Variants in SAMD12 observed in about 807,000 individuals in gnomAD.
The protein encoded by SAMD12 is sterile alpha motif domain-containing protein 12.
SAMD12 carries 9 observed loss-of-function variants against 15.0 expected under a neutral mutation model. The observed-to-expected ratio is 0.60, with a 90% CI of 0.36 to 1.05. SAMD12 has a LOEUF of 1.05. Among genes scored for constraint, SAMD12 ranks in the 50% least tolerant of loss-of-function variants. SAMD12 has a pLI of 0.01. For synonymous variants in SAMD12, 86 were observed against 90.1 expected, an observed-to-expected ratio of 0.96 and a Z score of 0.25; for missense variants, 230 against 234.2, an observed-to-expected ratio of 0.98 and a Z score of 0.12.
intron 1 of SAMD12, among the ~76,000 whole-genome samples, chr8:118,615,656 A>T (rs1828221827): frequency 6.6e-6 from 1 of 152,144 alleles, no homozygotes; most frequent in African/African-American, 2.4e-5. Flanking sequence ...TACCCTTGTA[A>T]TATGTCACCA....
intron 2 of SAMD12, among the ~76,000 whole-genome samples, chr8:118,526,771 C>T (rs1350317927): frequency 6.6e-6 from 1 of 152,034 alleles, no homozygotes; most frequent in African/African-American, 2.4e-5. Context: ...CAGTCAGAAG[C>T]CAGAGGGGAA....
intron 2 of SAMD12, among the ~76,000 whole-genome samples, chr8:118,474,824 C>A (rs1476047886): frequency 6.6e-6 from 1 of 152,166 alleles, no homozygotes. Flanking sequence ...CCAATGTTCT[C>A]GGTAGAGACT....
At chr8:118,559,873 G>A (rs960246263) in intron 2 of SAMD12, among the ~76,000 whole-genome samples, 4 of 152,060 alleles carry the variant, frequency 2.6e-5, no homozygotes, top group Non-Finnish European at 4.4e-5. Context: ...TTTGTTGACA[G>A]GGGTGATGCC....
chr8:118,279,045 TC>T (rs1813541228), intron 4 of SAMD12, among the ~76,000 whole-genome samples: 6 of 152,164 alleles, frequency 3.9e-5, no homozygotes, highest in Admixed American at 3.9e-4. Context: ...GTTTATATAA[TC>T]TGGGCATTCA....
chr8:118,417,229 C>A (rs976974721), intron 3 of SAMD12, among the ~76,000 whole-genome samples: 1 of 152,000 alleles, frequency 6.6e-6, no homozygotes, highest in Admixed American at 6.6e-5. Context: ...TACAGGTGTG[C>A]CCCCCTATGC....
chr8:118,375,726 A>C (rs1017417422), downstream of SAMD12: 1 of 152,144 alleles, frequency 6.6e-6, no homozygotes, highest in Admixed American at 6.5e-5. Flanking sequence ...TTATTCCTTT[A>C]AATAGTTAAT....
chr8:118,358,020 C>G (rs971604660), intron 4 of SAMD12, among the ~76,000 whole-genome samples: 2 of 152,248 alleles, frequency 1.3e-5, no homozygotes, highest in East Asian at 3.9e-4. Context: ...TGGTGCACAC[C>G]TCTAGTCCCA....
intron 2 of SAMD12, among the ~76,000 whole-genome samples, chr8:118,529,924 T>A (rs1825639155): frequency 1.3e-5 from 2 of 152,162 alleles, no homozygotes; most frequent in South Asian, 4.1e-4. Flanking sequence ...AAATGATAGT[T>A]CTATTTTTAG....
chr8:118,308,048 G>A lies in SAMD12; in HGVS notation c.433+71512C>T, dbSNP rs1586488179. ...CCCCTTCTGCTAGAGAGAACATCAG[G>A]CCTCATGCTGATAACTGGTAATTCC... On this transcript the variant is annotated intron_variant, in intron 4 of 4. Coordinates refer to the SAMD12 transcript ENST00000409003. Among the ~76,000 whole-genome samples, 7 of 152,174 alleles carry A rather than the reference G, an allele frequency of 4.6e-5. No homozygotes were observed. In the South Asian group the frequency reaches 1.5e-3, roughly 32 times the overall value.
chr8:118,615,200 C>T (rs1205903532), intron 1 of SAMD12, among the ~76,000 whole-genome samples: 1 of 151,974 alleles, frequency 6.6e-6, no homozygotes. Context: ...TGTGCCCTTT[C>T]CCCGATTCCC....
intron 2 of SAMD12, among the ~76,000 whole-genome samples, chr8:118,545,684 A>G (rs1826105322): frequency 6.6e-6 from 1 of 152,240 alleles, no homozygotes; most frequent in South Asian, 2.1e-4. Context: ...CCTTAGGAAT[A>G]GAAAAGAAAA....
intron 2 of SAMD12, among the ~76,000 whole-genome samples, chr8:118,563,780 T>C (rs554867542): frequency 6.6e-6 from 1 of 152,348 alleles, no homozygotes; most frequent in East Asian, 1.9e-4. Context: ...GATTAGATGA[T>C]TTCTAATGTC....
At chr8:118,270,382 C>T (rs549415606) in intron 4 of SAMD12, among the ~76,000 whole-genome samples, 11 of 152,210 alleles carry the variant, frequency 7.2e-5, no homozygotes, top group African/African-American at 2.4e-4. Context: ...TTGATCAATG[C>T]CCAAGAAGTA....
At chr8:118,231,960 G>T (rs991415207) in intron 4 of SAMD12, among the ~76,000 whole-genome samples, 1 of 152,048 alleles carries the variant, frequency 6.6e-6, no homozygotes, top group Non-Finnish European at 1.5e-5. Flanking sequence ...TGGATTGAAT[G>T]GAGAAGTCTT....
Position 118,440,240 on chromosome 8 carries a change from C to CA in SAMD12, c.193-280dup, listed in dbSNP as rs1474862772. On this transcript the variant is annotated intron_variant, in intron 2 of 3. Coordinates refer to ENST00000314727, the MANE Select transcript of SAMD12 (RefSeq NM_207506.3). ...TAGTGTTTTTTAATGAATACTCTAG[C>CA]AAAAAACAATGGGGTTGCTAAGCAA... Among the ~76,000 whole-genome samples the CA allele has an allele frequency of 5.9e-5, 9 of 152,062 alleles. No homozygotes were observed. The East Asian group carries it at 1.7e-3, about 29-fold the overall frequency.
chr8:118,182,827 G>A, the SAMD12 span, among the ~76,000 whole-genome samples: 3 of 152,200 alleles, frequency 2.0e-5, no homozygotes, highest in African/African-American at 7.2e-5. Flanking sequence ...GAAGACAGAT[G>A]TTGGAACGGT....
downstream of SAMD12, among the ~76,000 whole-genome samples, chr8:118,187,175 C>A (rs1303149696): frequency 6.6e-6 from 1 of 152,190 alleles, no homozygotes; most frequent in African/African-American, 2.4e-5. Context: ...CAACTATATA[C>A]AATTCTCATG....
At chr8:118,528,671 C>T (rs1003256429) in intron 2 of SAMD12, among the ~76,000 whole-genome samples, 1 of 152,186 alleles carries the variant, frequency 6.6e-6, no homozygotes, top group Non-Finnish European at 1.5e-5. Flanking sequence ...GCTATCAGGA[C>T]AGGAGTCTGT....
intron 2 of SAMD12, among the ~76,000 whole-genome samples, chr8:118,519,150 C>T (rs1825323960): frequency 6.6e-6 from 1 of 152,200 alleles, no homozygotes; most frequent in African/African-American, 2.4e-5. Flanking sequence ...GTAGCACTGG[C>T]TTGCTTTCTC....
Sources: allele counts gnomAD v4.1 joint callset (sites outside exome capture counted in the v4.1 genomes callset), GRCh38; gene constraint gnomAD v4.1.1; transcripts MANE v1.5; gene names NCBI Gene and HGNC (gene_info 2026-07-23, HGNC 2026-07-21).